Variants in PLCG1 observed in about 807,000 individuals in gnomAD.
PLCG1 encodes the protein 1-phosphatidylinositol 4,5-bisphosphate phosphodiesterase gamma-1.
Under a neutral mutation model 177.8 loss-of-function variants are expected in PLCG1, and 71 were observed. The observed-to-expected ratio is 0.40, with a 90% confidence interval of 0.33 to 0.49. The LOEUF (loss-of-function observed/expected upper bound fraction) is 0.49. Among genes scored for constraint, PLCG1 ranks in the 20% least tolerant of loss-of-function variants. The pLI is 0.72. For synonymous variants in PLCG1, 658 were observed against 647.9 expected (o/e 1.02, Z -0.24); for missense variants, 1,281 against 1,709.0 (o/e 0.75, Z 4.42).
chr20:41,150,094 TG>T lies in PLCG1; in HGVS notation c.218-9509del, dbSNP rs1366736375. ...GTCCCAGCTACCTGAAAGGCCAAGGTGGGAGGATCACCTGCACCTGGGGAGG... is the reference window on the plus strand; with the variant it reads ...GTCCCAGCTACCTGAAAGGCCAAGGTGGAGGATCACCTGCACCTGGGGAGG... On this transcript the variant is annotated intron_variant, in intron 1 of 31. Coordinates refer to ENST00000685551, the MANE Select transcript of PLCG1 (RefSeq NM_002660.3). This position sits in a 1 kb window ranked among gnomAD's most constrained non-coding sequence, Gnocchi z 4.0. Among the ~76,000 whole-genome samples, 1 of 152,046 alleles carries T rather than the reference TG, an allele frequency of 6.6e-6. No homozygotes were observed. Among genetic ancestry groups the T allele is most frequent in the Non-Finnish European group, 1.5e-5 (1 of 67,992 alleles).
chr20:41,168,443 C>T lies in PLCG1; in HGVS notation c.2380-324C>T, dbSNP rs556362675. ...GGAGGCACTCAGGGCCACTGCAGAC[C>T]CTGCCTTCTTGGCCTGCCAGCCCTG... is the stretch of plus-strand genomic sequence containing the variant. On this transcript the variant is annotated intron_variant, in intron 20 of 31. Transcript: ENST00000685551. Among the ~76,000 whole-genome samples, 68 of 152,332 alleles carry T rather than the reference C, an allele frequency of 4.5e-4. 1 individual carries two copies. Among genetic ancestry groups the T allele is most frequent in the Admixed American group, 3.3e-4 (5 of 15,308 alleles).
rs554784764 is a variant in PLCG1, at chr20:41,170,022, G to T, written c.2651-90G>T. On this transcript the variant is annotated intron_variant, in intron 23 of 31. Transcript: ENST00000685551. ...GGGAAGGAGGAAATGGGATGAGATAGAACTCATTTGAGCCAGTGCCTGCGG... is the reference window on the plus strand; with the variant it reads ...GGGAAGGAGGAAATGGGATGAGATATAACTCATTTGAGCCAGTGCCTGCGG... 1.5e-4 allele frequency: 177 copies of T among 1,177,256 alleles called. No homozygotes were observed. In the African/African-American group the frequency reaches 2.5e-3, roughly 17 times the overall value. The allele number at this position is 1,177,256 out of a possible 1,614,324, so 72.9% of individuals were successfully genotyped here.
At chr20:41,169,741 G>A in intron 23 of PLCG1, 1 of 585,610 alleles carries the variant, frequency 1.7e-6, no homozygotes, top group Non-Finnish European at 3.0e-6. Context: ...CCAGGCACTG[G>A]GGAACCCGTC....
intron 6 of PLCG1, 109 bp downstream of exon 6, chr20:41,162,834 A>T: frequency 2.3e-6 from 3 of 1,331,822 alleles, no homozygotes; most frequent in South Asian, 2.4e-5. Context: ...TTTGGGTGCC[A>T]TTTCTCCAGT....
rs2035717801 is a variant in PLCG1, at chr20:41,166,986, T to A, written c.2301+127T>A. 1 of 850,672 alleles carries A rather than the reference T, an allele frequency of 1.2e-6. No homozygotes were observed. Among genetic ancestry groups the A allele is most frequent in the Non-Finnish European group, 1.9e-6 (1 of 525,898 alleles). 52.7% of individuals were successfully genotyped at this position (850,672 alleles called of 1,614,324 possible). A position where few individuals can be genotyped will look rare whatever the true frequency, so the allele number is the denominator to read the frequency against. On this transcript the variant is annotated intron_variant, in intron 19 of 31. Coordinates refer to ENST00000685551, the MANE Select transcript of PLCG1 (RefSeq NM_002660.3). The surrounding 1 kb of genome is among the most constrained non-coding windows in gnomAD (Gnocchi z 8.6). ...AGAAGTTCGTGGGAGGGCCCCTGAC[T>A]CCAGCTGGGAGCCACAGTGTGGGTA...
chr20:41,156,589 G>A lies in PLCG1; in HGVS notation c.218-3017G>A, dbSNP rs6072286. Among the ~76,000 whole-genome samples, 22,523 of 152,128 alleles carry A rather than the reference G, an allele frequency of 0.15. 1,810 individuals carry two copies. Among genetic ancestry groups the A allele is most frequent in the Non-Finnish European group, 0.17 (11,444 of 67,966 alleles). Reference sequence around the variant, plus strand: ...TCTTCTTCATAGTGACGGCCTCTTCGTACCCCTGGCTTTTCTTTTCCCCAG... The same window carrying A: ...TCTTCTTCATAGTGACGGCCTCTTCATACCCCTGGCTTTTCTTTTCCCCAG... On this transcript the variant is annotated intron_variant, in intron 1 of 31. Coordinates refer to ENST00000685551, the MANE Select transcript of PLCG1 (RefSeq NM_002660.3). This position sits in a 1 kb window ranked among gnomAD's most constrained non-coding sequence, Gnocchi z 5.0.
chr20:41,169,299 C>A (rs973329888), intron 22 of PLCG1, 124 bp downstream of exon 22: 2 of 947,582 alleles, frequency 2.1e-6, no homozygotes. Context: ...GCTGGTCGCA[C>A]AGCCCATGTG....
In PLCG1 at chr20:41,153,854, C is replaced by G. The variant is rs753168351; in HGVS notation, c.218-5752C>G. On this transcript the variant is annotated intron_variant, in intron 1 of 31. Coordinates refer to ENST00000685551, the MANE Select transcript of PLCG1 (RefSeq NM_002660.3). The surrounding 1 kb of genome is among the most constrained non-coding windows in gnomAD (Gnocchi z 5.1). ...GAGGTTGCAGTGAACCGAGATTGCA[C>G]CACTGCACTCCAGCCTGGGCAACAG... Among the ~76,000 whole-genome samples the G allele has an allele frequency of 8.2e-4, 125 of 152,296 alleles. No homozygotes were observed. Among genetic ancestry groups the G allele is most frequent in the Non-Finnish European group, 7.1e-4 (48 of 68,014 alleles).
chr20:41,165,452 A>G lies in PLCG1; in HGVS notation c.1512A>G (p.Glu504=), dbSNP rs182053422. 1 of 1,614,016 alleles carries G rather than the reference A, an allele frequency of 6.2e-7. No homozygotes were observed. Among genetic ancestry groups the G allele is most frequent in the Admixed American group, 1.7e-5 (1 of 60,018 alleles). The change falls in exon 15 of 32, where the codon GAA becomes GAG. Residue 504 remains glutamate (E), a splice_region_variant and synonymous_variant. Coordinates refer to ENST00000685551, the MANE Select transcript of PLCG1 (RefSeq NM_002660.3). This position sits in a 1 kb window ranked among gnomAD's most constrained non-coding sequence, Gnocchi z 6.6. Reference sequence around the variant, plus strand: ...AGTCCCTCTTTGGTCTGTTCCAGGAATGGTATCCCCACTACTTTGTTCTGA... The same window carrying G: ...AGTCCCTCTTTGGTCTGTTCCAGGAGTGGTATCCCCACTACTTTGTTCTGA... ...ILYLEDPVNH[E]WYPHYFVLTS...
chr20:41,146,403 C>G lies in PLCG1; in HGVS notation c.217+8545C>G, dbSNP rs1165214758. On this transcript the variant is annotated intron_variant, in intron 1 of 31. Coordinates refer to ENST00000685551, the MANE Select transcript of PLCG1 (RefSeq NM_002660.3). The surrounding 1 kb of genome is among the most constrained non-coding windows in gnomAD (Gnocchi z 6.3). Reference sequence around the variant, plus strand: ...AGCAGCCCATCCTACCCCCTGGGGTCCCTCCACCTGCCAGCTGGCACACAG... The same window carrying G: ...AGCAGCCCATCCTACCCCCTGGGGTGCCTCCACCTGCCAGCTGGCACACAG... Among the ~76,000 whole-genome samples, 1 of 152,198 alleles carries G rather than the reference C, an allele frequency of 6.6e-6. No homozygotes were observed. The highest frequency in any genetic ancestry group is 1.5e-5 in the Non-Finnish European group (1 of 68,040).
Position 41,151,658 on chromosome 20 carries a change from A to G in PLCG1, c.218-7948A>G, listed in dbSNP as rs192477342. ...GAGGAGGAATATTATAGTCTCAGGA[A>G]GAGGGAGGAATGAGAGGGAGAGGAG... On this transcript the variant is annotated intron_variant, in intron 1 of 31. Transcript: ENST00000685551. This position sits in a 1 kb window ranked among gnomAD's most constrained non-coding sequence, Gnocchi z 5.5. Among the ~76,000 whole-genome samples, 256 of 152,278 alleles carry G rather than the reference A, an allele frequency of 1.7e-3. No individual in the cohort carries two copies. Among genetic ancestry groups the G allele is most frequent in the Middle Eastern group, 0.01 (3 of 294 alleles).
At position 41,173,014 on chromosome 20, in the gene PLCG1, T is replaced by A. The variant is rs1021903388; in HGVS notation, c.3279+137T>A. The stretch of plus-strand genomic sequence containing the variant: ...GTGGGTGGGGCCTGAGCTGAGTCTT[T>A]GAAGGGGTGAAGATAGCATGCAGTC... On this transcript the variant is annotated intron_variant, in intron 27 of 31. Transcript: ENST00000685551. The surrounding 1 kb of genome is among the most constrained non-coding windows in gnomAD (Gnocchi z 6.2). 3.5e-5 allele frequency: 28 copies of A among 795,514 alleles called. No individual in the cohort carries two copies. The highest frequency in any genetic ancestry group is 5.2e-5 in the Non-Finnish European group (26 of 503,896). 49.3% of individuals were successfully genotyped at this position (795,514 alleles called of 1,614,324 possible). A position where few individuals can be genotyped will look rare whatever the true frequency, so the allele number is the denominator to read the frequency against.
At chr20:41,169,281 T>C in intron 22 of PLCG1, 106 bp downstream of exon 22, 2 of 976,750 alleles carry the variant, frequency 2.0e-6, no homozygotes, top group South Asian at 1.3e-5. Flanking sequence ...CAGACACCTG[T>C]CACATGGGCT....
intron 21 of PLCG1, 92 bp downstream of exon 21, chr20:41,168,962 G>A: frequency 2.6e-6 from 3 of 1,143,246 alleles, no homozygotes; most frequent in Non-Finnish European, 4.0e-6. Flanking sequence ...TGTCTCCTGT[G>A]TGCACCAGCA....
At chr20:41,161,312 AG>A (rs1191139417) in intron 4 of PLCG1, among the ~76,000 whole-genome samples, 1 of 152,112 alleles carries the variant, frequency 6.6e-6, no homozygotes, top group East Asian at 1.9e-4. Context: ...CCTAGCGGTG[AG>A]GGGCTCAAGG....
chr20:41,148,506 ATATGCTG>A lies in PLCG1; in HGVS notation c.217+10649_217+10655del, dbSNP rs1291892026. On this transcript the variant is annotated intron_variant, in intron 1 of 31. Coordinates refer to ENST00000685551, the MANE Select transcript of PLCG1 (RefSeq NM_002660.3). This position sits in a 1 kb window ranked among gnomAD's most constrained non-coding sequence, Gnocchi z 4.3. Reference sequence around the variant, plus strand: ...CAGGGCAGCAGAGAGAGACTTGGAGATATGCTGGGCTGTGGTCAGGAGGGCCTCATTT... The same window carrying A: ...CAGGGCAGCAGAGAGAGACTTGGAGAGGCTGTGGTCAGGAGGGCCTCATTT... Among the ~76,000 whole-genome samples the A allele has an allele frequency of 6.6e-6, 1 of 151,706 alleles. No homozygotes were observed. Among genetic ancestry groups the A allele is most frequent in the Non-Finnish European group, 1.5e-5 (1 of 67,990 alleles).
chr20:41,163,179 C>T lies in PLCG1; in HGVS notation c.717-24C>T. ...CCTTGTTGTCTGTTGACCATACTAG[C>T]TAGCTTACCTTCTCTCCCTGCAGGG... On this transcript the variant is annotated intron_variant, in intron 7 of 31. Transcript: ENST00000685551. The surrounding 1 kb of genome is among the most constrained non-coding windows in gnomAD (Gnocchi z 5.2). The T allele has an allele frequency of 1.3e-6, 2 of 1,546,284 alleles. No individual in the cohort carries two copies. The highest frequency in any genetic ancestry group is 1.7e-6 in the Non-Finnish European group (2 of 1,147,908).
chr20:41,138,237 G>A (rs1327735135), intron 1 of PLCG1, among the ~76,000 whole-genome samples: 1 of 151,942 alleles, frequency 6.6e-6, no homozygotes, highest in African/African-American at 2.4e-5. Context: ...GGAACCTGGG[G>A]CCTGACCAGA....
chr20:41,138,766 GC>G (rs1424891935), intron 1 of PLCG1, among the ~76,000 whole-genome samples: 1 of 152,182 alleles, frequency 6.6e-6, no homozygotes, highest in Non-Finnish European at 1.5e-5. Context: ...CCTGAGCTTG[GC>G]TGCTTTTGCG....
Sources: allele counts gnomAD v4.1 joint callset (sites outside exome capture counted in the v4.1 genomes callset), GRCh38; gene constraint gnomAD v4.1.1; non-coding constraint Gnocchi (gnomAD v3.1); transcripts MANE v1.5; gene names NCBI Gene and HGNC (gene_info 2026-07-23, HGNC 2026-07-21).